MGAM: variants seen among roughly 807,000 people sequenced by gnomAD.
The protein encoded by MGAM is maltase-glucoamylase.
Under a neutral mutation model 358.8 loss-of-function variants are expected in MGAM, and 253 were observed. That is an observed-to-expected ratio of 0.71 (90% CI 0.64 to 0.78). The LOEUF is 0.78. Ranked by LOEUF, MGAM falls within the 30% of genes least tolerant of loss-of-function variation. The pLI is 0.00. For missense variants in MGAM, 3,080 were observed against 3,432.6 expected (o/e 0.90, Z 2.57); for synonymous variants, 1,105 against 1,227.1 (o/e 0.90, Z 2.08).
At chr7:142,081,847 A>T (rs1814323527) in intron 50 of MGAM, among the ~76,000 whole-genome samples, 195 bp from the exon 51 acceptor site, 1 of 145,826 alleles carries the variant, frequency 6.9e-6, no homozygotes, top group Non-Finnish European at 1.6e-5. Context: ...AGAGTGGGAA[A>T]CAGATGAATG....
At chr7:142,019,343 C>T (rs782262071) in intron 4 of MGAM, 24 bp downstream of exon 4, 8 of 1,608,066 alleles carry the variant, frequency 5.0e-6, no homozygotes, top group South Asian at 1.1e-5. Flanking sequence ...TGCCATGATG[C>T]AGGAGGTCCA....
Position 142,082,573 on chromosome 7 carries a change from TA to T in MGAM, c.6268+4del. The T allele has an allele frequency of 6.6e-7, 1 of 1,507,948 alleles. No homozygotes were observed. 93.4% of individuals were successfully genotyped at this position (1,507,948 alleles called of 1,614,324 possible). A position where few individuals can be genotyped will look rare whatever the true frequency, so the allele number is the denominator to read the frequency against. ...TCCTGCTGAACAGCAATGCCATGGG[TA>T]AGGCCATCCAGCGCCTCCCTTATTT... is the stretch of plus-strand genomic sequence containing the variant. On this transcript the variant is annotated splice_donor_region_variant and intron_variant, in intron 52 of 70. Transcript: ENST00000475668.
intron 3 of MGAM, 112 bp from the exon 4 acceptor site, chr7:142,019,087 A>G: frequency 2.3e-6 from 3 of 1,282,270 alleles, no homozygotes; most frequent in South Asian, 1.5e-5. Context: ...CAGTTTCCTT[A>G]TTTGTAAAAT....
At chr7:142,050,674 A>T in intron 23 of MGAM, 23 bp from the exon 24 acceptor site, 1 of 1,607,030 alleles carries the variant, frequency 6.2e-7, no homozygotes, top group Non-Finnish European at 8.5e-7. Flanking sequence ...CTTTATGCAT[A>T]CTTGGACTTA....
intron 3 of MGAM, among the ~76,000 whole-genome samples, chr7:142,013,465 T>G (rs10246711): frequency 0.47 from 71,971 of 151,936 alleles, 17,518 homozygotes; most frequent in East Asian, 0.64. Context: ...TTTTCTTTTT[T>G]TTTAAATCTT....
intron 4 of MGAM, among the ~76,000 whole-genome samples, chr7:142,019,889 C>T (rs148982554): frequency 0.014 from 2,127 of 151,964 alleles, 53 homozygotes; most frequent in East Asian, 0.1. Flanking sequence ...GCCAACATGG[C>T]GAAACCCCAT....
At chr7:141,994,980 AG>A (rs1415575370), upstream of MGAM, among the ~76,000 whole-genome samples, 1 of 152,218 alleles carries the variant, frequency 6.6e-6, no homozygotes, top group African/African-American at 2.4e-5. Flanking sequence ...TAGTTGGGGA[AG>A]TTATGAATTT....
In MGAM at chr7:142,064,433, G is replaced by A; in HGVS notation, c.4395G>A (p.Glu1465=). 1 of 1,606,336 alleles carries A rather than the reference G, an allele frequency of 6.2e-7. No homozygotes were observed. The highest frequency in any genetic ancestry group is 8.5e-7 in the Non-Finnish European group (1 of 1,176,554). ...RGLSSKTLCM[E]SQQILPDGSL... is the part of the protein sequence containing the mutation. ...TGAGCAGCAAGACCCTTTGTATGGA[G>A]AGTCAGCAGATCCTCCCAGACGGCT... Residue 1465 remains glutamate (E), a synonymous_variant, in exon 37 of 71, where the codon GAG becomes GAA. Coordinates refer to ENST00000475668, the MANE Select transcript of MGAM (RefSeq NM_001365693.1).
At chr7:142,047,625 A>C (rs1175466287) in intron 21 of MGAM, among the ~76,000 whole-genome samples, 160 bp from the exon 22 acceptor site, 1 of 152,154 alleles carries the variant, frequency 6.6e-6, no homozygotes, top group Non-Finnish European at 1.5e-5. Flanking sequence ...TTGATATTAA[A>C]GATAGGGGCG....
chr7:142,008,816 T>G, intron 3 of MGAM, 111 bp downstream of exon 3: 1 of 1,196,696 alleles, frequency 8.4e-7, no homozygotes, highest in Admixed American at 2.4e-5. Context: ...AGAGAGGTGT[T>G]TATGTTGCAG....
At chr7:142,009,900 A>G (rs1554453876) in intron 3 of MGAM, among the ~76,000 whole-genome samples, 1 of 152,162 alleles carries the variant, frequency 6.6e-6, no homozygotes, top group Non-Finnish European at 1.5e-5. Context: ...TTCACATTAA[A>G]GGGAATGTAG....
Position 142,060,305 on chromosome 7 carries a change from C to G in MGAM, c.4060-6C>G, listed in dbSNP as rs750705238. The stretch of plus-strand genomic sequence containing the variant: ...GCATCGCTACTGAACGTATTTCTCT[C>G]CATAGGTCTGGCCTGATTTTCCTGA... On this transcript the variant is annotated splice_polypyrimidine_tract_variant and splice_region_variant and intron_variant, in intron 33 of 70. Coordinates refer to ENST00000475668, the MANE Select transcript of MGAM (RefSeq NM_001365693.1). The G allele has an allele frequency of 6.2e-7, 1 of 1,613,882 alleles. No homozygotes were observed. Among genetic ancestry groups the G allele is most frequent in the Non-Finnish European group, 8.5e-7 (1 of 1,179,742 alleles).
At chr7:142,105,300 T>G (rs1816752786) in intron 70 of MGAM, among the ~76,000 whole-genome samples, 1 of 152,038 alleles carries the variant, frequency 6.6e-6, no homozygotes, top group Non-Finnish European at 1.5e-5. Flanking sequence ...AACATTTTTT[T>G]TTTTTTTGAC....
intron 1 of MGAM, among the ~76,000 whole-genome samples, chr7:142,002,079 C>A (rs1261426990): frequency 6.6e-6 from 1 of 152,088 alleles, no homozygotes; most frequent in Non-Finnish European, 1.5e-5. Context: ...TTTAGCACCA[C>A]CTTCTCTTCT....
chr7:142,030,289 A>G, intron 10 of MGAM, 73 bp from the exon 11 acceptor site: 2 of 1,486,086 alleles, frequency 1.3e-6, no homozygotes, highest in South Asian at 1.3e-5. Context: ...CTGAATAATA[A>G]CAGTGAAAAT....
intron 21 of MGAM, among the ~76,000 whole-genome samples, chr7:142,042,566 A>AT (rs1809045582): frequency 2.4e-5 from 1 of 41,272 alleles, no homozygotes; most frequent in Non-Finnish European, 3.6e-5. Flanking sequence ...TATTATATAT[A>AT]ATATATAATA....
chr7:142,032,988 C>G (rs1349303759), intron 14 of MGAM, 79 bp downstream of exon 14: 1 of 947,598 alleles, frequency 1.1e-6, no homozygotes, highest in East Asian at 2.7e-5. Context: ...TCTGAAAAAT[C>G]TGGCAAGGGA....
intron 2 of MGAM, among the ~76,000 whole-genome samples, chr7:141,990,795 A>C (rs1489317068): frequency 2.0e-5 from 3 of 151,858 alleles, no homozygotes; most frequent in Non-Finnish European, 4.4e-5. Flanking sequence ...GTTATTTCTT[A>C]CCTGTGGGTC....
At chr7:142,061,982 G>A (rs976023751) in intron 34 of MGAM, among the ~76,000 whole-genome samples, 1 of 152,120 alleles carries the variant, frequency 6.6e-6, no homozygotes, top group African/African-American at 2.4e-5. Context: ...ATTATGTGAG[G>A]GTAGAGGAAA....
Sources: allele counts gnomAD v4.1 joint callset (sites outside exome capture counted in the v4.1 genomes callset), GRCh38; gene constraint gnomAD v4.1.1; transcripts MANE v1.5; gene names NCBI Gene and HGNC (gene_info 2026-07-23, HGNC 2026-07-21).